PATJ: variants seen among roughly 807,000 people sequenced by gnomAD.
PATJ encodes inaD-like protein.
In PATJ, 190 loss-of-function variants were observed where a neutral mutation model predicts 224.9. The ratio of observed to expected loss-of-function variants is 0.84; its 90% CI spans 0.75 to 0.95. The LOEUF is 0.95. Among genes scored for constraint, PATJ ranks in the 40% least tolerant of loss-of-function variants. The pLI is 0.00. For missense variants in PATJ, 2,121 were observed against 2,270.3 expected, an observed-to-expected ratio of 0.93 and a Z score of 1.34; for synonymous variants, 769 against 820.3, an observed-to-expected ratio of 0.94 and a Z score of 1.07.
chr1:61,935,080 C>T (rs1333273661), intron 27 of PATJ, among the ~76,000 whole-genome samples: 2 of 150,898 alleles, frequency 1.3e-5, no homozygotes, highest in East Asian at 1.9e-4. Context: ...TCTTTCTAAC[C>T]TGCAAGCATT....
intron 28 of PATJ, among the ~76,000 whole-genome samples, chr1:62,009,773 C>T (rs528327306): frequency 1.3e-4 from 20 of 152,094 alleles, no homozygotes; most frequent in Admixed American, 1.1e-3. Context: ...GCATCTCCAC[C>T]GGGAGATTTC....
Position 61,884,325 on chromosome 1 carries a change from A to G in PATJ, c.3048A>G (p.Leu1016=), listed in dbSNP as rs1221039531. The part of the protein sequence containing the change: ...AQRREQEDLP[L]YQHQATRVIS... ...GGAGGGAGCAAGAAGATTTGCCTTT[A>G]TATCAACACCAAGCGACACGAGTTA... Residue 1016 remains leucine (L), a synonymous_variant, in exon 22 of 44, where the codon TTA becomes TTG. Transcript: ENST00000642238. The G allele has an allele frequency of 3.7e-6, 6 of 1,613,744 alleles. No homozygotes were observed. The South Asian group carries it at 6.6e-5, about 18-fold the overall frequency.
At chr1:61,819,846 T>C (rs1004638398) in intron 14 of PATJ, among the ~76,000 whole-genome samples, 7 of 152,178 alleles carry the variant, frequency 4.6e-5, no homozygotes, top group African/African-American at 1.7e-4. Context: ...AAGCACTTCA[T>C]GTGTCTCTTT....
Position 62,028,331 on chromosome 1 carries a change from G to C in PATJ, c.3960-9646G>C, listed in dbSNP as rs140275373. On this transcript the variant is annotated intron_variant, in intron 29 of 43. Coordinates refer to ENST00000642238, the MANE Select transcript of PATJ (RefSeq NM_001350145.3). ...CCATCCTCCCACCTCAGCCTTTTGA[G>C]TAGCTAGGATTACAGATGCACCCCA... 9.3e-3 allele frequency among the ~76,000 whole-genome samples: 1,417 copies of C among 152,250 alleles called. 12 individuals are homozygous for C. The highest frequency in any genetic ancestry group is 0.034 in the Middle Eastern group (10 of 294).
chr1:61,780,564 T>C (rs914290231), intron 7 of PATJ, among the ~76,000 whole-genome samples: 1 of 152,184 alleles, frequency 6.6e-6, no homozygotes, highest in Non-Finnish European at 1.5e-5. Context: ...AATAATAAAA[T>C]ATTGCAGAAA....
At position 61,996,262 on chromosome 1, in the gene PATJ, C is replaced by A. The variant is rs112388805; in HGVS notation, c.3867+5898C>A. ...AATATTTATTTTATAAGAGAAAAAA[C>A]CGAAACCATAAAAGTTAAATGACTG... On this transcript the variant is annotated intron_variant, in intron 28 of 43. Coordinates refer to ENST00000642238, the MANE Select transcript of PATJ (RefSeq NM_001350145.3). Among the ~76,000 whole-genome samples the A allele has an allele frequency of 6.1e-3, 924 of 152,220 alleles. 7 individuals carry two copies. Among genetic ancestry groups the A allele is most frequent in the African/African-American group, 0.021 (873 of 41,510 alleles).
In PATJ at chr1:61,996,741, C is replaced by CTTTTTTTTTTTT. The variant is rs56215259; in HGVS notation, c.3867+6385_3867+6396dup. 1.9e-4 allele frequency among the ~76,000 whole-genome samples: 19 copies of CTTTTTTTTTTTT among 97,734 alleles called. No homozygotes were observed. In the East Asian group the frequency reaches 2.0e-3, roughly 10 times the overall value. The allele number at this position is 97,734 out of a possible 152,430, so 64.1% of individuals were successfully genotyped here. ...ATAGGTTCTTTTTTTCTTTTCTTTT[C>CTTTTTTTTTTTT]TTTTTTTTTTTTTTTTTTTGAGATG... On this transcript the variant is annotated intron_variant, in intron 28 of 43. Transcript: ENST00000642238.
At position 61,990,376 on chromosome 1, in the gene PATJ, G is replaced by A. The variant is rs12730210; in HGVS notation, c.3867+12G>A. 396,302 of 1,593,510 alleles carry A rather than the reference G, an allele frequency of 0.25. 52,214 individuals carry two copies. The highest frequency in any genetic ancestry group is 0.43 in the East Asian group (19,173 of 44,412). On this transcript the variant is annotated intron_variant, in intron 28 of 43. Coordinates refer to ENST00000642238, the MANE Select transcript of PATJ (RefSeq NM_001350145.3). The stretch of plus-strand genomic sequence containing the variant: ...ATGAACTCTTAGAGGTGAGAAGCAT[G>A]TGTTTTTAACTTATCTTTTGGTGAA...
intron 14 of PATJ, among the ~76,000 whole-genome samples, chr1:61,814,443 G>A (rs1194199904): frequency 6.6e-6 from 1 of 151,438 alleles, no homozygotes; most frequent in Admixed American, 6.6e-5. Context: ...GTGCCCGGCC[G>A]CATTATTCTC....
chr1:61,775,333 G>A lies in PATJ; in HGVS notation c.848G>A (p.Arg283Gln), dbSNP rs1646853929. The A allele has an allele frequency of 5.6e-6, 9 of 1,605,228 alleles. No individual in the cohort carries two copies. Among genetic ancestry groups the A allele is most frequent in the Non-Finnish European group, 5.9e-6 (7 of 1,177,438 alleles). Reference sequence around the variant, plus strand: ...ATAGTTCCTGGAGGATTAGCAGATCGAGTAAGTCAACCTTCCTTGTTATCA... The same window carrying A: ...ATAGTTCCTGGAGGATTAGCAGATCAAGTAAGTCAACCTTCCTTGTTATCA... ...RTIVPGGLAD[R>Q]DGRLQTGDHI... The change falls in exon 7 of 44, where the codon CGA (arginine) becomes CAA (glutamine). Residue 283 changes from arginine (R) to glutamine (Q), a missense_variant and splice_region_variant. Transcript: ENST00000642238.
chr1:61,885,969 T>C (rs959107208), intron 22 of PATJ, among the ~76,000 whole-genome samples: 4 of 151,430 alleles, frequency 2.6e-5, no homozygotes, highest in African/African-American at 7.3e-5. Flanking sequence ...TAGATGGGAA[T>C]TGAACAATGA....
At chr1:61,759,262 C>T (rs1645824740) in intron 1 of PATJ, among the ~76,000 whole-genome samples, 1 of 152,046 alleles carries the variant, frequency 6.6e-6, no homozygotes, top group Non-Finnish European at 1.5e-5. Context: ...ATGTGTGGCC[C>T]AAACAATCCT....
chr1:61,775,096 T>C, intron 6 of PATJ, 110 bp from the exon 7 acceptor site: 1 of 1,124,450 alleles, frequency 8.9e-7, no homozygotes, highest in South Asian at 1.7e-5. Flanking sequence ...ATTAATTGCA[T>C]GAATGTTCAA....
chr1:62,047,529 C>A (rs754844838), intron 30 of PATJ, among the ~76,000 whole-genome samples: 11 of 152,274 alleles, frequency 7.2e-5, no homozygotes, highest in Non-Finnish European at 1.3e-4. Context: ...GGATTACAGG[C>A]GTGAGCCACC....
intron 30 of PATJ, 79 bp from the exon 31 acceptor site, chr1:62,050,887 G>T: frequency 9.7e-7 from 1 of 1,031,482 alleles, no homozygotes. Context: ...ATGAGCAAAT[G>T]ACATTGAGTA....
At chr1:61,796,659 T>TTTCC (rs973768745) in intron 10 of PATJ, among the ~76,000 whole-genome samples, 1 of 48,990 alleles carries the variant, frequency 2.0e-5, no homozygotes, top group African/African-American at 6.6e-5. Context: ...CTAAATTTAT[T>TTTCC]TTCTTTCTTT....
chr1:61,747,232 T>A (rs1255637525), intron 1 of PATJ, among the ~76,000 whole-genome samples: 1 of 152,166 alleles, frequency 6.6e-6, no homozygotes, highest in Non-Finnish European at 1.5e-5. Flanking sequence ...ATGCCTTTTT[T>A]AAAGCCCTTA....
chr1:62,126,910 G>A (rs1447678306), intron 39 of PATJ, among the ~76,000 whole-genome samples: 2 of 152,122 alleles, frequency 1.3e-5, no homozygotes. Flanking sequence ...CCATGACAGT[G>A]CCATACTATC....
rs766004650 is a variant in PATJ, at chr1:61,884,249, A to G, written c.2972A>G (p.Asn991Ser). Reference protein sequence around the residue: ...KTSLDLGMIPNDVQGPSLLID... With the variant: ...KTSLDLGMIPSDVQGPSLLID... ...ATTTGCTCTTCAGGCATGATCCCGA[A>G]TGATGTCCAAGGTCCTAGCTTGCTC... is the stretch of plus-strand genomic sequence containing the variant. Residue 991 changes from asparagine (N) to serine (S), a missense_variant, in exon 22 of 44, where the codon AAT (asparagine) becomes AGT (serine). Coordinates refer to ENST00000642238, the MANE Select transcript of PATJ (RefSeq NM_001350145.3). 2.1e-5 allele frequency: 33 copies of G among 1,603,332 alleles called. No homozygotes were observed. The highest frequency in any genetic ancestry group is 2.7e-5 in the Non-Finnish European group (32 of 1,176,026).
Sources: allele counts gnomAD v4.1 joint callset (sites outside exome capture counted in the v4.1 genomes callset), GRCh38; gene constraint gnomAD v4.1.1; transcripts MANE v1.5; gene names NCBI Gene and HGNC (gene_info 2026-07-23, HGNC 2026-07-21).